Variants in MYO3A observed in about 807,000 individuals in gnomAD.
MYO3A encodes myosin IIIA.
Under a neutral mutation model 192.7 loss-of-function variants are expected in MYO3A, and 180 were observed. The observed-to-expected ratio is 0.93, with a 90% CI of 0.83 to 1.06. The LOEUF is 1.06. MYO3A is among the 50% of genes least tolerant of loss of function. MYO3A has a pLI of 0.00. For synonymous variants in MYO3A, 628 were observed against 645.3 expected (o/e 0.97, Z 0.41); for missense variants, 1,896 against 1,905.0 (o/e 1.00, Z 0.09).
intron 10 of MYO3A, among the ~76,000 whole-genome samples, chr10:26,065,018 C>T (rs1265690646): frequency 6.6e-6 from 1 of 152,048 alleles, no homozygotes; most frequent in Non-Finnish European, 1.5e-5. Context: ...ACTTCAAGAA[C>T]TGAAACTTGG....
At chr10:25,960,240 A>G (rs1025547450) in intron 4 of MYO3A, among the ~76,000 whole-genome samples, 4 of 152,132 alleles carry the variant, frequency 2.6e-5, no homozygotes, top group Non-Finnish European at 5.9e-5. Flanking sequence ...TTCATTTGCC[A>G]ACTTTATGCT....
rs560566551 is a variant in MYO3A, at chr10:25,954,158, A to G, written c.169-716A>G. ...AGCTCAGATTTAAATTTCTACCTCT[A>G]TGATTCCATGATTCTATAATAAAAC... On this transcript the variant is annotated intron_variant, in intron 3 of 34. Coordinates refer to ENST00000642920, the MANE Select transcript of MYO3A (RefSeq NM_017433.5). 5.3e-5 allele frequency among the ~76,000 whole-genome samples: 8 copies of G among 152,244 alleles called. No homozygotes were observed. In the South Asian group the frequency reaches 1.4e-3, roughly 28 times the overall value.
intron 6 of MYO3A, among the ~76,000 whole-genome samples, chr10:26,014,317 TA>T (rs1269007065): frequency 1.3e-5 from 2 of 152,108 alleles, no homozygotes; most frequent in Non-Finnish European, 2.9e-5. Flanking sequence ...AAGAGTTGTC[TA>T]ACCAATGTGG....
intron 10 of MYO3A, among the ~76,000 whole-genome samples, chr10:26,050,926 A>G (rs918242554): frequency 5.3e-5 from 8 of 152,230 alleles, no homozygotes; most frequent in African/African-American, 1.9e-4. Context: ...TGTCCAACTC[A>G]TAAATAAAGG....
At chr10:26,043,380 A>C (rs538970354) in intron 10 of MYO3A, among the ~76,000 whole-genome samples, 16 of 151,532 alleles carry the variant, frequency 1.1e-4, no homozygotes, top group African/African-American at 3.9e-4. Context: ...AGCCAGGATT[A>C]TGTCCTTACT....
chr10:26,118,007 AT>A (rs918169908), intron 17 of MYO3A, among the ~76,000 whole-genome samples: 10 of 151,974 alleles, frequency 6.6e-5, no homozygotes, highest in African/African-American at 2.4e-4. Context: ...AGCATCTGTT[AT>A]TTTTTGACTT....
chr10:25,965,456 G>A (rs573969479), intron 4 of MYO3A, among the ~76,000 whole-genome samples: 1 of 152,148 alleles, frequency 6.6e-6, no homozygotes, highest in Non-Finnish European at 1.5e-5. Flanking sequence ...TCTCCTCAGG[G>A]GGAAGGGAGG....
At chr10:26,008,394 A>T (rs1351817541) in intron 6 of MYO3A, among the ~76,000 whole-genome samples, 1 of 148,902 alleles carries the variant, frequency 6.7e-6, no homozygotes, top group African/African-American at 2.6e-5. Flanking sequence ...GGATCTAATT[A>T]AACTAAAGAG....
In MYO3A at chr10:26,125,359, C is replaced by T. The variant is rs1036944409; in HGVS notation, c.1904-39C>T. On this transcript the variant is annotated intron_variant, in intron 18 of 34. Transcript: ENST00000642920. ...TCATTTTTGGGGAGTGACCTCATTG[C>T]CATAATTTCTTCTAACAATGCATCT... 9 of 1,590,570 alleles carry T rather than the reference C, an allele frequency of 5.7e-6. No individual in the cohort carries two copies. In the African/African-American group the frequency reaches 1.1e-4, roughly 19 times the overall value.
At chr10:26,202,548 C>T (rs1169629560) in intron 33 of MYO3A, among the ~76,000 whole-genome samples, 1 of 152,190 alleles carries the variant, frequency 6.6e-6, no homozygotes, top group Non-Finnish European at 1.5e-5. Context: ...ATATGTGTAT[C>T]AATGTACTGA....
chr10:26,132,141 C>A (rs1472084101), intron 20 of MYO3A, among the ~76,000 whole-genome samples: 1 of 152,120 alleles, frequency 6.6e-6, no homozygotes, highest in Non-Finnish European at 1.5e-5. Context: ...TGAATTTCCA[C>A]GATAAATATG....
At chr10:26,035,172 GA>G (rs1842970441) in intron 10 of MYO3A, among the ~76,000 whole-genome samples, 3 of 152,094 alleles carry the variant, frequency 2.0e-5, no homozygotes, top group Non-Finnish European at 4.4e-5. Context: ...AGGAAATTTG[GA>G]AAAGAAATAA....
chr10:25,985,503 A>G (rs1314053732), intron 4 of MYO3A, among the ~76,000 whole-genome samples: 1 of 152,204 alleles, frequency 6.6e-6, no homozygotes, highest in Admixed American at 6.5e-5. Flanking sequence ...TGAAAACGAA[A>G]TGGGAGATAT....
At chr10:25,946,367 A>C (rs954142734) in intron 2 of MYO3A, among the ~76,000 whole-genome samples, 3 of 151,658 alleles carry the variant, frequency 2.0e-5, no homozygotes, top group African/African-American at 7.3e-5. Context: ...CAGATATAGA[A>C]TTCTCAGTTG....
chr10:25,955,373 A>G (rs1172701418), intron 4 of MYO3A, among the ~76,000 whole-genome samples: 1 of 152,178 alleles, frequency 6.6e-6, no homozygotes, highest in Non-Finnish European at 1.5e-5. Context: ...AGAAAAAATT[A>G]ATGTTAAGTT....
At chr10:26,050,749 A>AT (rs1163603193) in intron 10 of MYO3A, among the ~76,000 whole-genome samples, 5 of 152,004 alleles carry the variant, frequency 3.3e-5, no homozygotes, top group Admixed American at 6.6e-5. Flanking sequence ...CCAGTATGAC[A>AT]TTTTTTTTCT....
chr10:26,020,229 G>A (rs1338449855), intron 7 of MYO3A, among the ~76,000 whole-genome samples: 1 of 152,046 alleles, frequency 6.6e-6, no homozygotes, highest in Non-Finnish European at 1.5e-5. Flanking sequence ...CCAACTCCTT[G>A]CCTCCTCTCA....
intron 34 of MYO3A, among the ~76,000 whole-genome samples, chr10:26,203,564 A>G (rs1258880912): frequency 6.6e-6 from 1 of 152,206 alleles, no homozygotes; most frequent in Non-Finnish European, 1.5e-5. Flanking sequence ...AGAAAAATGC[A>G]TATTTTGGAC....
intron 10 of MYO3A, among the ~76,000 whole-genome samples, chr10:26,033,325 C>T (rs569737778): frequency 3.3e-5 from 5 of 152,260 alleles, no homozygotes; most frequent in African/African-American, 9.6e-5. Context: ...GTGGTCCACC[C>T]GCTTCGGCCT....
Sources: gnomAD v4.1 joint callset for allele counts (sites outside exome capture counted in the v4.1 genomes callset) on GRCh38, gnomAD v4.1.1 for gene constraint, MANE v1.5 for transcripts, NCBI Gene and HGNC (gene_info 2026-07-23, HGNC 2026-07-21) for gene names.